Variants in RELCH observed in about 807,000 individuals in gnomAD.
The protein encoded by RELCH is RAB11-binding protein RELCH.
A neutral mutation model predicts 150.3 loss-of-function variants in RELCH; 41 were observed. The ratio of observed to expected loss-of-function variants is 0.27; its 90% CI spans 0.21 to 0.35. The LOEUF (loss-of-function observed/expected upper bound fraction) is 0.35. Among genes scored for constraint, RELCH ranks in the 10% least tolerant of loss-of-function variants. The pLI is 1.00. For missense variants in RELCH, 1,092 were observed against 1,467.8 expected (o/e 0.74, Z 4.18); for synonymous variants, 478 against 531.8 (o/e 0.90, Z 1.39).
intron 19 of RELCH, 68 bp from the exon 20 acceptor site, chr18:62,268,801 G>A (rs953040509): frequency 6.4e-5 from 47 of 732,264 alleles, no homozygotes; most frequent in Middle Eastern, 4.0e-4. Context: ...AAATATAATC[G>A]CATTATGATT....
intron 20 of RELCH, among the ~76,000 whole-genome samples, chr18:62,270,078 G>T (rs918484611): frequency 1.3e-5 from 2 of 152,108 alleles, no homozygotes; most frequent in Non-Finnish European, 2.9e-5. Context: ...CACTTCTGTT[G>T]CTGCAGTAAG....
chr18:62,254,119 A>AT (rs1202502993), intron 12 of RELCH, among the ~76,000 whole-genome samples: 1 of 151,960 alleles, frequency 6.6e-6, no homozygotes, highest in Non-Finnish European at 1.5e-5. Context: ...TCATTTTTCA[A>AT]TTTTTGCAAA....
intron 16 of RELCH, among the ~76,000 whole-genome samples, chr18:62,262,701 T>C (rs545019998): frequency 2.6e-5 from 4 of 152,146 alleles, no homozygotes; most frequent in African/African-American, 7.2e-5. Context: ...TTACTCTTAC[T>C]CATTTAGGCA....
chr18:62,289,574 G>A (rs1249088516), intron 26 of RELCH, among the ~76,000 whole-genome samples: 1 of 152,120 alleles, frequency 6.6e-6, no homozygotes, highest in Non-Finnish European at 1.5e-5. Context: ...TGCAGCTAAG[G>A]TACAGAGCTA....
chr18:62,262,526 A>G (rs776539114), intron 16 of RELCH, among the ~76,000 whole-genome samples: 1 of 152,096 alleles, frequency 6.6e-6, no homozygotes, highest in Non-Finnish European at 1.5e-5. Flanking sequence ...ATGAAGCCAC[A>G]TGATAAAAAT....
intron 2 of RELCH, among the ~76,000 whole-genome samples, chr18:62,213,407 T>C (rs895530858): frequency 6.6e-6 from 1 of 152,110 alleles, no homozygotes; most frequent in Non-Finnish European, 1.5e-5. Flanking sequence ...AGGGGGAAAC[T>C]GACATAAACG....
At chr18:62,228,724 C>T in intron 8 of RELCH, 126 bp downstream of exon 8, 1 of 695,054 alleles carries the variant, frequency 1.4e-6, no homozygotes. Context: ...TTATATTTGA[C>T]ATGAACTTAA....
intron 1 of RELCH, among the ~76,000 whole-genome samples, chr18:62,194,280 A>G (rs2038867306): frequency 6.6e-6 from 1 of 152,186 alleles, no homozygotes; most frequent in African/African-American, 2.4e-5. Flanking sequence ...TCTTGTGAAC[A>G]AAAGCTTTTG....
At chr18:62,233,373 A>G (rs918226894) in intron 10 of RELCH, among the ~76,000 whole-genome samples, 11 of 151,928 alleles carry the variant, frequency 7.2e-5, no homozygotes, top group African/African-American at 2.4e-4. Flanking sequence ...GACCTACAGT[A>G]TGATAGGTAC....
chr18:62,242,787 T>C (rs1342813400), intron 10 of RELCH, among the ~76,000 whole-genome samples: 3 of 152,276 alleles, frequency 2.0e-5, no homozygotes, highest in South Asian at 2.1e-4. Context: ...ACAGTTGTTT[T>C]TGTATGCTTG....
intron 1 of RELCH, among the ~76,000 whole-genome samples, chr18:62,194,632 G>C (rs2038895386): frequency 6.6e-6 from 1 of 152,158 alleles, no homozygotes; most frequent in Admixed American, 6.5e-5. Context: ...GTCTAGGACA[G>C]GGCTACTGCC....
chr18:62,193,361 T>G (rs538446457), intron 1 of RELCH, among the ~76,000 whole-genome samples: 2 of 152,292 alleles, frequency 1.3e-5, no homozygotes, highest in South Asian at 4.1e-4. Context: ...CTTTATTTCT[T>G]CCTCTTGCAT....
intron 22 of RELCH, chr18:62,277,779 G>T (rs114380686): frequency 0.024 from 19,910 of 821,914 alleles, 266 homozygotes; most frequent in Middle Eastern, 0.047. Flanking sequence ...ACTTTTTGAA[G>T]TAGCAAATTA....
intron 9 of RELCH, among the ~76,000 whole-genome samples, 142 bp from the exon 10 acceptor site, chr18:62,232,178 CTGTTGTTGTTGT>C (rs536910477): frequency 6.7e-6 from 1 of 149,746 alleles, no homozygotes; most frequent in Non-Finnish European, 1.5e-5. Context: ...GCTGCTGCTG[CTGTTGTTGTTGT>C]TGTTGTTGTT....
intron 10 of RELCH, among the ~76,000 whole-genome samples, chr18:62,239,041 A>T (rs901974018): frequency 4.6e-5 from 7 of 152,146 alleles, no homozygotes; most frequent in Non-Finnish European, 1.0e-4. Flanking sequence ...TCAGAGGATC[A>T]TAACTCTATG....
intron 10 of RELCH, among the ~76,000 whole-genome samples, chr18:62,240,408 C>CTTTTTTTTTTTTTTT (rs199932427): frequency 7.2e-6 from 1 of 139,568 alleles, no homozygotes. Context: ...TTTTTTTTTT[C>CTTTTTTTTTTTTTTT]TTTTTCTTTT....
intron 1 of RELCH, among the ~76,000 whole-genome samples, chr18:62,188,706 C>G (rs1568282288): frequency 6.6e-6 from 1 of 152,212 alleles, no homozygotes; most frequent in African/African-American, 2.4e-5. Flanking sequence ...GCAGGCTTTT[C>G]TCTTTGCATT....
chr18:62,273,151 A>G (rs1319580432), intron 20 of RELCH, among the ~76,000 whole-genome samples: 1 of 151,702 alleles, frequency 6.6e-6, no homozygotes, highest in Non-Finnish European at 1.5e-5. Flanking sequence ...TTTATTATGT[A>G]TTTATTTTCT....
chr18:62,214,024 T>C (rs2040335299), intron 2 of RELCH, among the ~76,000 whole-genome samples: 1 of 145,084 alleles, frequency 6.9e-6, no homozygotes, highest in Non-Finnish European at 1.5e-5. Flanking sequence ...TTTTGGCCTG[T>C]TTTTTTTTTA....
Sources: gnomAD v4.1 joint callset for allele counts (sites outside exome capture counted in the v4.1 genomes callset) on GRCh38, gnomAD v4.1.1 for gene constraint, MANE v1.5 for transcripts, NCBI Gene and HGNC (gene_info 2026-07-23, HGNC 2026-07-21) for gene names.